RNF38: variants seen among roughly 807,000 people sequenced by gnomAD.
RNF38 encodes the protein E3 ubiquitin-protein ligase RNF38.
In RNF38, 15 loss-of-function variants were observed where a neutral mutation model predicts 67.2. The observed-to-expected ratio is 0.22, with a 90% CI of 0.15 to 0.34. The LOEUF (loss-of-function observed/expected upper bound fraction) is 0.34, where lower values mean the gene tolerates loss of function less well. Among genes scored for constraint, RNF38 ranks in the 10% least tolerant of loss-of-function variants. RNF38 has a pLI of 1.00. For missense variants in RNF38, 524 were observed against 639.9 expected, an observed-to-expected ratio of 0.82 and a Z score of 1.95; for synonymous variants, 220 against 218.8, an observed-to-expected ratio of 1.01 and a Z score of -0.05.
intron 2 of RNF38, among the ~76,000 whole-genome samples, chr9:36,408,458 A>G (rs1426613846): frequency 2.6e-5 from 4 of 152,104 alleles, no homozygotes; most frequent in Non-Finnish European, 5.9e-5. Context: ...AGGAAGAGAG[A>G]AGCCCTGAGC....
chr9:36,414,739 G>A (rs928548308), intron 2 of RNF38, among the ~76,000 whole-genome samples: 1 of 150,676 alleles, frequency 6.6e-6, no homozygotes, highest in African/African-American at 2.4e-5. Flanking sequence ...TTCCTGTAGT[G>A]CTGGCTTGGT....
chr9:36,458,608 G>A (rs1163287387), intron 1 of RNF38, among the ~76,000 whole-genome samples: 4 of 151,872 alleles, frequency 2.6e-5, no homozygotes, highest in African/African-American at 9.7e-5. Context: ...GAAGATCTGC[G>A]GCTTCACTCC....
intron 7 of RNF38, 127 bp downstream of exon 7, chr9:36,353,043 T>C (rs1833820675): frequency 1.1e-6 from 1 of 903,368 alleles, no homozygotes; most frequent in Admixed American, 2.3e-5. Flanking sequence ...TTTCTAAATA[T>C]AACTTTCCAA....
chr9:36,429,970 TTA>T (rs1185829287), intron 1 of RNF38, among the ~76,000 whole-genome samples: 3 of 152,142 alleles, frequency 2.0e-5, no homozygotes, highest in African/African-American at 7.2e-5. Context: ...ATAATATACT[TTA>T]TATGACTATT....
chr9:36,450,395 T>A (rs1236251251), intron 1 of RNF38, among the ~76,000 whole-genome samples: 4 of 152,160 alleles, frequency 2.6e-5, no homozygotes, highest in African/African-American at 9.7e-5. Flanking sequence ...TAGTACTTTC[T>A]CCCAAGAATT....
intron 2 of RNF38, among the ~76,000 whole-genome samples, chr9:36,376,348 A>T (rs2133857014): frequency 6.6e-6 from 1 of 152,332 alleles, no homozygotes; most frequent in East Asian, 1.9e-4. Flanking sequence ...GTGAAAAATA[A>T]GCTTTGTTTT....
intron 10 of RNF38, among the ~76,000 whole-genome samples, chr9:36,343,883 G>C (rs1246769362): frequency 6.6e-6 from 1 of 152,166 alleles, no homozygotes; most frequent in Non-Finnish European, 1.5e-5. Flanking sequence ...ACCAAGGTGA[G>C]GTAGAAATAT....
chr9:36,463,305 A>C (rs1839779621), intron 1 of RNF38, among the ~76,000 whole-genome samples: 1 of 152,178 alleles, frequency 6.6e-6, no homozygotes, highest in Non-Finnish European at 1.5e-5. Flanking sequence ...AGTCAGGAGA[A>C]AGGCCCCGCA....
chr9:36,402,223 AGGTCC>A (rs1393868390), upstream of RNF38, among the ~76,000 whole-genome samples: 4 of 152,196 alleles, frequency 2.6e-5, no homozygotes, highest in African/African-American at 9.7e-5. Flanking sequence ...AAGAGGTATT[AGGTCC>A]CTATGAACAT....
intron 3 of RNF38, among the ~76,000 whole-genome samples, chr9:36,370,245 T>C (rs1483226188): frequency 6.6e-6 from 1 of 152,232 alleles, no homozygotes; most frequent in Non-Finnish European, 1.5e-5. Context: ...AACAATTTCA[T>C]ATAATTTAAC....
intron 4 of RNF38, among the ~76,000 whole-genome samples, chr9:36,366,315 T>C (rs2133727958): frequency 6.6e-6 from 1 of 152,292 alleles, no homozygotes; most frequent in African/African-American, 2.4e-5. Flanking sequence ...AATTATGTCA[T>C]CAAATAAAAA....
Position 36,457,919 on chromosome 9 carries a change from T to C in RNF38, n.241+29389A>G, listed in dbSNP as rs562348737. On this transcript the variant is annotated intron_variant and non_coding_transcript_variant, in intron 1 of 3. Coordinates refer to the RNF38 transcript ENST00000488058. ...AACTGTACACAAAATTCAGAATGTA[T>C]GTGCATTTGTGCATGTGTTAGGTTG... Among the ~76,000 whole-genome samples the C allele has an allele frequency of 2.0e-5, 3 of 152,274 alleles. No homozygotes were observed. The East Asian group carries it at 5.8e-4, about 29-fold the overall frequency.
intron 1 of RNF38, among the ~76,000 whole-genome samples, chr9:36,451,413 C>A (rs544123508): frequency 7.5e-4 from 113 of 150,848 alleles, no homozygotes; most frequent in Admixed American, 2.4e-3. Flanking sequence ...TCGCAGTGAG[C>A]CGAGATGGCA....
At chr9:36,377,300 T>C (rs146253215) in intron 2 of RNF38, among the ~76,000 whole-genome samples, 2 of 152,212 alleles carry the variant, frequency 1.3e-5, no homozygotes, top group African/African-American at 4.8e-5. Context: ...GCAAAATAAT[T>C]AGTACCTGCA....
chr9:36,375,528 T>A (rs1835725115), intron 3 of RNF38, among the ~76,000 whole-genome samples: 1 of 152,180 alleles, frequency 6.6e-6, no homozygotes, highest in South Asian at 2.1e-4. Context: ...ATTAAGCTCC[T>A]AATTGCCTTT....
upstream of RNF38, chr9:36,400,627 GCTCGCCCAGCC>G (rs1837943985): frequency 1.0e-6 from 1 of 985,666 alleles, no homozygotes; most frequent in Non-Finnish European, 1.2e-6. Context: ...TATTGTGACT[GCTCGCCCAGCC>G]CGCGGCCAGC....
At chr9:36,340,126 C>A (rs1255944884) in intron 11 of RNF38, among the ~76,000 whole-genome samples, 1 of 152,018 alleles carries the variant, frequency 6.6e-6, no homozygotes, top group Non-Finnish European at 1.5e-5. Context: ...ATTACAGGTG[C>A]CCACCACCAT....
intron 1 of RNF38, among the ~76,000 whole-genome samples, chr9:36,475,858 A>G (rs890249644): frequency 2.0e-5 from 3 of 151,296 alleles, no homozygotes; most frequent in African/African-American, 7.2e-5. Context: ...TCTACTAAAA[A>G]TACAAAAATT....
At chr9:36,377,360 A>G (rs1325326628) in intron 2 of RNF38, among the ~76,000 whole-genome samples, 1 of 152,214 alleles carries the variant, frequency 6.6e-6, no homozygotes, top group Middle Eastern at 3.2e-3. Flanking sequence ...CAGGATTATA[A>G]ATTAGTGTTA....
Sources: gnomAD v4.1 joint callset for allele counts (sites outside exome capture counted in the v4.1 genomes callset) on GRCh38, gnomAD v4.1.1 for gene constraint, MANE v1.5 for transcripts, NCBI Gene and HGNC (gene_info 2026-07-23, HGNC 2026-07-21) for gene names.